The following SEMA4D variants were observed in gnomAD, a reference collection of about 807,000 sequenced individuals.
SEMA4D encodes semaphorin 4D.
Under a neutral mutation model 74.8 loss-of-function variants are expected in SEMA4D, and 22 were observed. The observed-to-expected ratio is 0.29, with a 90% CI of 0.21 to 0.42. SEMA4D has a LOEUF of 0.42. Ranked by LOEUF, SEMA4D falls within the 10% of genes least tolerant of loss-of-function variation. The pLI is 1.00. For synonymous variants in SEMA4D, 445 were observed against 463.7 expected, an observed-to-expected ratio of 0.96 and a Z score of 0.52; for missense variants, 937 against 1,118.4, an observed-to-expected ratio of 0.84 and a Z score of 2.31.
chr9:89,496,143 C>T (rs767826687), intron 1 of SEMA4D, among the ~76,000 whole-genome samples: 5 of 152,196 alleles, frequency 3.3e-5, no homozygotes, highest in East Asian at 1.9e-4. Context: ...GCAACATGGT[C>T]GCTGGTCTTG....
rs138067294 is a variant in SEMA4D, at chr9:89,388,989, C to T, written c.833G>A (p.Arg278Gln). The change falls in exon 10 of 16, where the codon CGA (arginine) becomes CAA (glutamine). Residue 278 changes from arginine to glutamine, a missense_variant. Physicochemically the swap from Arg to Gln is conservative, Grantham distance 43. Transcript: ENST00000422704. Reference protein sequence around the residue: ...QKKWTSFLKARLICSRPDSGL... With the variant: ...QKKWTSFLKAQLICSRPDSGL... ...GCTGTCTGGCCGGGAGCAGATGAGTCGGGCTTTCAGGAAGGAGGTCCATTT... is the reference window on the plus strand; with the variant it reads ...GCTGTCTGGCCGGGAGCAGATGAGTTGGGCTTTCAGGAAGGAGGTCCATTT... The T allele has an allele frequency of 9.9e-6, 16 of 1,614,092 alleles. No individual in the cohort carries two copies. Among genetic ancestry groups the T allele is most frequent in the African/African-American group, 9.3e-5 (7 of 75,016 alleles).
At chr9:89,444,803 T>C (rs1852447878) in intron 2 of SEMA4D, among the ~76,000 whole-genome samples, 1 of 152,100 alleles carries the variant, frequency 6.6e-6, no homozygotes, top group Non-Finnish European at 1.5e-5. Flanking sequence ...TAAAATGAGT[T>C]AATCTGGACA....
At chr9:89,437,277 T>C (rs1850662455) in intron 2 of SEMA4D, among the ~76,000 whole-genome samples, 1 of 152,180 alleles carries the variant, frequency 6.6e-6, no homozygotes, top group South Asian at 2.1e-4. Flanking sequence ...GCAGTTTTTA[T>C]TTTTCTGCAG....
intron 2 of SEMA4D, among the ~76,000 whole-genome samples, chr9:89,426,527 G>C (rs1279034032): frequency 1.3e-5 from 2 of 152,144 alleles, no homozygotes; most frequent in Non-Finnish European, 2.9e-5. Flanking sequence ...GCTCCAGCCA[G>C]AGCTCTGCGA....
At position 89,399,350 on chromosome 9, in the gene SEMA4D, G is replaced by C; in HGVS notation, c.253-12C>G. On this transcript the variant is annotated splice_polypyrimidine_tract_variant and intron_variant, in intron 4 of 15. Transcript: ENST00000422704. ...ACCTTCCAATACACCTGTTGGGATA[G>C]AGTCCATATCAGTGCATATTCTTTT... 1.9e-6 allele frequency: 3 copies of C among 1,598,830 alleles called. No individual in the cohort carries two copies. Among genetic ancestry groups the C allele is most frequent in the Non-Finnish European group, 2.6e-6 (3 of 1,166,102 alleles).
chr9:89,390,237 C>T (rs961796603), intron 9 of SEMA4D, among the ~76,000 whole-genome samples: 10 of 152,116 alleles, frequency 6.6e-5, no homozygotes, highest in African/African-American at 1.4e-4. Flanking sequence ...GCACTGTGCA[C>T]GCCTGCCAGG....
chr9:89,471,670 A>G (rs377105725), intron 1 of SEMA4D, among the ~76,000 whole-genome samples: 841 of 77,688 alleles, frequency 0.011, no homozygotes, highest in Middle Eastern at 0.062. Context: ...ACCAACTCAG[A>G]TGCATATAGG....
chr9:89,405,837 AAGAG>A, intron 2 of SEMA4D, 138 bp from the exon 3 acceptor site: 1 of 1,289,738 alleles, frequency 7.8e-7, no homozygotes, highest in Non-Finnish European at 9.8e-7. Flanking sequence ...GCGGGGGACA[AAGAG>A]AGTCTTAGAA....
In SEMA4D at chr9:89,391,363, G is replaced by T. The variant is rs142841220; in HGVS notation, c.675C>A (p.Asp225Glu). The change falls in exon 9 of 16, where the codon GAC becomes GAA. Residue 225 changes from aspartate to glutamate, a missense_variant. Physicochemically the swap from Asp to Glu is conservative, Grantham distance 45. Coordinates refer to ENST00000422704, the MANE Select transcript of SEMA4D (RefSeq NM_001371194.2). Reference sequence around the variant, plus strand: ...AGAAGTAGACCCTGTCATCCTCGCCGTCGGGGCTGTCTGGGCTTTTTCGGA... The same window carrying T: ...AGAAGTAGACCCTGTCATCCTCGCCTTCGGGGCTGTCTGGGCTTTTTCGGA... ...DVIRKSPDSP[D>E]GEDDRVYFFF... 1 of 1,614,244 alleles carries T rather than the reference G, an allele frequency of 6.2e-7. No homozygotes were observed. Among genetic ancestry groups the T allele is most frequent in the East Asian group, 2.2e-5 (1 of 44,886 alleles).
At chr9:89,463,718 G>A (rs867018198) in intron 1 of SEMA4D, among the ~76,000 whole-genome samples, 1 of 152,034 alleles carries the variant, frequency 6.6e-6, no homozygotes, top group Non-Finnish European at 1.5e-5. Context: ...GGCATATCAC[G>A]AGGTCAGGAG....
At chr9:89,374,454 T>A (rs963243665), downstream of SEMA4D, among the ~76,000 whole-genome samples, 2 of 152,186 alleles carry the variant, frequency 1.3e-5, no homozygotes, top group Admixed American at 1.3e-4. Flanking sequence ...AGGGAGAGGC[T>A]GCAGATCACA....
chr9:89,388,738 C>A lies in SEMA4D; in HGVS notation c.1005G>T (p.Glu335Asp). The A allele has an allele frequency of 6.2e-7, 1 of 1,611,198 alleles. No homozygotes were observed. The change falls in exon 11 of 16, where the codon GAG (glutamate) becomes GAT (aspartate). Residue 335 changes from glutamate to aspartate, a missense_variant. Transcript: ENST00000422704. ...VCAYNLSTAE[E>D]VFSHGKYMQS... Reference sequence around the variant, plus strand: ...GCATGTACTTCCCGTGGGAGAAGACCTCCTCGGCTGTGGACAGGTTGTAGG... The same window carrying A: ...GCATGTACTTCCCGTGGGAGAAGACATCCTCGGCTGTGGACAGGTTGTAGG...
chr9:89,449,319 T>G (rs1411943268), intron 2 of SEMA4D, among the ~76,000 whole-genome samples: 1 of 152,232 alleles, frequency 6.6e-6, no homozygotes, highest in Non-Finnish European at 1.5e-5. Flanking sequence ...AGGCGGGGCC[T>G]GAGCAGGAGA....
chr9:89,493,624 G>T (rs1027744584), intron 1 of SEMA4D, among the ~76,000 whole-genome samples: 1 of 152,196 alleles, frequency 6.6e-6, no homozygotes, highest in Non-Finnish European at 1.5e-5. Context: ...GGCAAATTAC[G>T]TTCTGGCTGC....
chr9:89,482,499 T>C (rs1480169270), intron 1 of SEMA4D, among the ~76,000 whole-genome samples: 1 of 152,122 alleles, frequency 6.6e-6, no homozygotes, highest in Non-Finnish European at 1.5e-5. Flanking sequence ...AACTGCACTG[T>C]AGCAAATGTC....
chr9:89,385,376 G>A lies in SEMA4D; in HGVS notation c.1446+991C>T, dbSNP rs183387773. On this transcript the variant is annotated intron_variant, in intron 13 of 15. Transcript: ENST00000422704. ...TCTGGCTGAGGCCACTGAACAGCACGATGGCCCCAGAAGAGCTTCTGGGTC... is the reference window on the plus strand; with the variant it reads ...TCTGGCTGAGGCCACTGAACAGCACAATGGCCCCAGAAGAGCTTCTGGGTC... 1.5e-4 allele frequency: 145 copies of A among 985,356 alleles called. 1 individual carries two copies. In the East Asian group the frequency reaches 5.1e-3, roughly 35 times the overall value. 61.0% of individuals were successfully genotyped at this position (985,356 alleles called of 1,614,324 possible). A position where few individuals can be genotyped will look rare whatever the true frequency, so the allele number is the denominator to read the frequency against.
rs1403043626 is a variant in SEMA4D at position 89,408,323 on chromosome 9, C to T, written c.-243-2624G>A. Among the ~76,000 whole-genome samples the T allele has an allele frequency of 2.0e-5, 3 of 152,366 alleles. No homozygotes were observed. The East Asian group carries it at 5.8e-4, about 29-fold the overall frequency. On this transcript the variant is annotated intron_variant, in intron 2 of 15. Coordinates refer to ENST00000422704, the MANE Select transcript of SEMA4D (RefSeq NM_001371194.2). ...TGGAAGCAACCAGCCCAGGGCCTGGCACCCACAAACATCCCATGCCCCTCC... is the reference window on the plus strand; with the variant it reads ...TGGAAGCAACCAGCCCAGGGCCTGGTACCCACAAACATCCCATGCCCCTCC...
chr9:89,365,227 C>G (rs1308992266), intron 16 of SEMA4D: 1 of 152,472 alleles, frequency 6.6e-6, no homozygotes, highest in Non-Finnish European at 1.5e-5. Flanking sequence ...CAGGCCAGGC[C>G]CTGGAGGGCA....
intron 1 of SEMA4D, among the ~76,000 whole-genome samples, chr9:89,456,498 T>C (rs1855965066): frequency 6.6e-6 from 1 of 151,854 alleles, no homozygotes; most frequent in African/African-American, 2.4e-5. Flanking sequence ...AATTACATAC[T>C]CAAAAACCAA....
Sources: gnomAD v4.1 joint callset for allele counts (sites outside exome capture counted in the v4.1 genomes callset) on GRCh38, gnomAD v4.1.1 for gene constraint, MANE v1.5 for transcripts, NCBI Gene and HGNC (gene_info 2026-07-23, HGNC 2026-07-21) for gene names.